The following B4GALT5 variants were observed in gnomAD, a reference collection of about 807,000 sequenced individuals.
B4GALT5 encodes the protein beta-1,4-galactosyltransferase 5.
In B4GALT5, 11 loss-of-function variants were observed where a neutral mutation model predicts 45.0. That is an observed-to-expected ratio of 0.24 (90% CI 0.15 to 0.40). The LOEUF (loss-of-function observed/expected upper bound fraction) is 0.40, where lower values mean the gene tolerates loss of function less well. Among genes scored for constraint, B4GALT5 ranks in the 10% least tolerant of loss-of-function variants. The pLI is 1.00. For missense variants in B4GALT5, 337 were observed against 500.2 expected, an observed-to-expected ratio of 0.67 and a Z score of 3.11; for synonymous variants, 185 against 182.9, an observed-to-expected ratio of 1.01 and a Z score of -0.09.
At position 49,635,834 on chromosome 20, in the gene B4GALT5, C is replaced by G. The variant is rs1376702442; in HGVS notation, c.*478G>C. The G allele has an allele frequency of 6.5e-6, 1 of 153,914 alleles. No individual in the cohort carries two copies. Among genetic ancestry groups the G allele is most frequent in the Non-Finnish European group, 1.4e-5 (1 of 69,154 alleles). 9.5% of individuals were successfully genotyped at this position (153,914 alleles called of 1,614,324 possible). A position where few individuals can be genotyped will look rare whatever the true frequency, so the allele number is the denominator to read the frequency against. ...TGAAACCAAAGAGAACACCAGAGAT[C>G]TAGAAGAATGGTGTGGAGTTTCATT... is the stretch of plus-strand genomic sequence containing the variant. On this transcript the variant is annotated 3_prime_UTR_variant, in exon 9 of 9. Transcript: ENST00000371711.
chr20:49,658,631 T>C (rs1282370471), intron 1 of B4GALT5, among the ~76,000 whole-genome samples: 2 of 152,140 alleles, frequency 1.3e-5, no homozygotes, highest in African/African-American at 4.8e-5. Context: ...CACTCTCCCT[T>C]TCTTAGCTTT....
chr20:49,713,091 G>A (rs867936091), intron 1 of B4GALT5, among the ~76,000 whole-genome samples: 2 of 151,760 alleles, frequency 1.3e-5, no homozygotes, highest in South Asian at 4.2e-4. Flanking sequence ...GAGGATGGAT[G>A]GGAGCTAGAA....
rs1212269602 is a variant in B4GALT5 at position 49,634,158 on chromosome 20, C to T, written c.*2154G>A. The stretch of plus-strand genomic sequence containing the variant: ...AGAGCTTTGCAATGCAATTTATTTT[C>T]TAAATACCACTCTATTCTTCAAAAG... On this transcript the variant is annotated 3_prime_UTR_variant, in exon 9 of 9. Transcript: ENST00000371711. The T allele has an allele frequency of 6.6e-6, 1 of 152,572 alleles. No homozygotes were observed. Among genetic ancestry groups the T allele is most frequent in the African/African-American group, 2.4e-5 (1 of 41,422 alleles). The allele number at this position is 152,572 out of a possible 1,614,324, so 9.5% of individuals were successfully genotyped here.
chr20:49,655,511 T>C (rs1266262323), intron 2 of B4GALT5, among the ~76,000 whole-genome samples: 1 of 152,124 alleles, frequency 6.6e-6, no homozygotes, highest in Admixed American at 6.5e-5. Flanking sequence ...CTTAGTAAGA[T>C]GAAATCTCAG....
intron 3 of B4GALT5, among the ~76,000 whole-genome samples, chr20:49,644,834 T>C (rs1017240523): frequency 1.3e-4 from 20 of 152,340 alleles, no homozygotes; most frequent in African/African-American, 4.6e-4. Flanking sequence ...TGCACGACTA[T>C]TTCTAACATT....
chr20:49,664,541 G>C (rs1462758168), intron 1 of B4GALT5, among the ~76,000 whole-genome samples: 1 of 151,050 alleles, frequency 6.6e-6, no homozygotes, highest in Non-Finnish European at 1.5e-5. Context: ...AAAAAAAGCA[G>C]GGGCTATTCT....
intron 1 of B4GALT5, among the ~76,000 whole-genome samples, chr20:49,669,490 A>G (rs2085706329): frequency 6.6e-6 from 1 of 152,274 alleles, no homozygotes; most frequent in Admixed American, 6.5e-5. Flanking sequence ...TGAGGTCAGG[A>G]GTTCGCAACC....
intron 8 of B4GALT5, among the ~76,000 whole-genome samples, chr20:49,636,936 A>ACACACACAC (rs1568713570): frequency 6.6e-6 from 1 of 151,578 alleles, no homozygotes; most frequent in Admixed American, 6.6e-5. Flanking sequence ...ACACACACAC[A>ACACACACAC]AAGAAAGAAA....
intron 1 of B4GALT5, among the ~76,000 whole-genome samples, chr20:49,696,294 G>T (rs62207701): frequency 6.6e-6 from 1 of 151,962 alleles, no homozygotes; most frequent in African/African-American, 2.4e-5. Context: ...TCCAATCAAA[G>T]AAAGAAAAAA....
intron 1 of B4GALT5, among the ~76,000 whole-genome samples, chr20:49,695,290 C>A (rs2085834369): frequency 6.6e-6 from 1 of 152,010 alleles, no homozygotes; most frequent in Admixed American, 6.6e-5. Context: ...ATCCCCAGCC[C>A]CTTTCAGAAT....
chr20:49,652,722 C>T (rs1288393854), intron 2 of B4GALT5, among the ~76,000 whole-genome samples: 1 of 152,212 alleles, frequency 6.6e-6, no homozygotes, highest in Non-Finnish European at 1.5e-5. Context: ...AGTCTGTTTT[C>T]ATTCACTAAT....
intron 1 of B4GALT5, among the ~76,000 whole-genome samples, chr20:49,663,313 A>G (rs2085672584): frequency 6.6e-6 from 1 of 152,118 alleles, no homozygotes; most frequent in African/African-American, 2.4e-5. Context: ...TTACATGTAC[A>G]CATTTTAATG....
At chr20:49,680,102 A>G (rs2146348460) in intron 1 of B4GALT5, among the ~76,000 whole-genome samples, 1 of 152,364 alleles carries the variant, frequency 6.6e-6, no homozygotes, top group South Asian at 2.1e-4. Context: ...CCTTTGATTA[A>G]AATGCCATAT....
chr20:49,685,015 T>C (rs1021326688), intron 1 of B4GALT5, among the ~76,000 whole-genome samples: 4 of 152,240 alleles, frequency 2.6e-5, no homozygotes, highest in African/African-American at 4.8e-5. Context: ...AGAGTTTCCA[T>C]GCTGTTATTT....
intron 1 of B4GALT5, among the ~76,000 whole-genome samples, chr20:49,662,640 C>T (rs6091023): frequency 0.47 from 70,842 of 151,954 alleles, 17,480 homozygotes; most frequent in South Asian, 0.65. Flanking sequence ...TAACCAGTTT[C>T]ACTGCACTAA....
At chr20:49,661,656 C>T (rs981001135) in intron 1 of B4GALT5, among the ~76,000 whole-genome samples, 27 of 152,306 alleles carry the variant, frequency 1.8e-4, no homozygotes, top group South Asian at 2.1e-4. Context: ...CCAGTTTCAA[C>T]GAGTCTCTAC....
chr20:49,665,824 G>A (rs2085688021), intron 1 of B4GALT5, among the ~76,000 whole-genome samples: 1 of 151,310 alleles, frequency 6.6e-6, no homozygotes, highest in Non-Finnish European at 1.5e-5. Flanking sequence ...ACTGAAGCAG[G>A]AGAGGGAGCA....
chr20:49,648,356 T>C (rs2085607588), intron 2 of B4GALT5, among the ~76,000 whole-genome samples: 1 of 152,196 alleles, frequency 6.6e-6, no homozygotes, highest in South Asian at 2.1e-4. Context: ...TGTTTTGCCA[T>C]CTCTGGGGTT....
chr20:49,665,627 G>A (rs1360534720), intron 1 of B4GALT5, among the ~76,000 whole-genome samples: 1 of 150,004 alleles, frequency 6.7e-6, no homozygotes, highest in Non-Finnish European at 1.5e-5. Flanking sequence ...GATGTTCCAG[G>A]ACTGCCCTAT....
Sources: gnomAD v4.1 joint callset for allele counts (sites outside exome capture counted in the v4.1 genomes callset) on GRCh38, gnomAD v4.1.1 for gene constraint, MANE v1.5 for transcripts, NCBI Gene and HGNC (gene_info 2026-07-23, HGNC 2026-07-21) for gene names.